Variants in USP42 observed in about 807,000 individuals in gnomAD.
USP42 encodes the protein ubiquitin carboxyl-terminal hydrolase 42.
In USP42, 23 loss-of-function variants were observed where a neutral mutation model predicts 113.0. The ratio of observed to expected loss-of-function variants is 0.20; its 90% CI spans 0.15 to 0.29. The LOEUF is 0.29. Among genes scored for constraint, USP42 ranks in the 10% least tolerant of loss-of-function variants. The pLI, the probability that USP42 is intolerant of heterozygous loss-of-function variation, is 1.00. For synonymous variants in USP42, 933 were observed against 699.0 expected (o/e 1.33, Z -5.28); for missense variants, 2,174 against 1,779.8 (o/e 1.22, Z -3.99).
At position 6,155,122 on chromosome 7, in the gene USP42, C is replaced by A; in HGVS notation, c.3568C>A (p.Pro1190Thr). 2.6e-6 allele frequency: 4 copies of A among 1,555,966 alleles called. No homozygotes were observed. Among genetic ancestry groups the A allele is most frequent in the Non-Finnish European group, 3.5e-6 (4 of 1,150,452 alleles). The change falls in exon 15 of 18, where the codon CCT becomes ACT. Residue 1190 changes from proline to threonine, a missense_variant. Physicochemically the swap from Pro to Thr is conservative, Grantham distance 38. Transcript: ENST00000306177. ...RSEQKDPLEE[P>T]KAKKHKKSKK... ...CGAACAGAAGGATCCTCTAGAAGAG[C>A]CTAAAGCAAAGAAGCACAAAAAATC...
At chr7:6,156,344 A>G (rs913402457) in intron 15 of USP42, among the ~76,000 whole-genome samples, 3 of 152,174 alleles carry the variant, frequency 2.0e-5, no homozygotes, top group Non-Finnish European at 4.4e-5. Context: ...TGTTTGTCCA[A>G]CAGCCTTAGT....
intron 3 of USP42, among the ~76,000 whole-genome samples, chr7:6,126,540 C>G (rs528398756): frequency 5.0e-4 from 76 of 152,350 alleles, no homozygotes; most frequent in African/African-American, 1.7e-3. Context: ...CCGCCTCAGC[C>G]TCCCAAAGTG....
Position 6,156,902 on chromosome 7 carries a change from T to C in USP42, c.3790T>C (p.Leu1264=). ...ACTGCACTTACCCAGGGTCACCAGC[T>C]TGGAGACTGTCGCCCAGTTCCGGAG... ...SELHLPRVTS[L]ETVAQFRRAQ... Residue 1264 remains leucine (L), a synonymous_variant, in exon 16 of 18, where the codon TTG becomes CTG. Transcript: ENST00000306177. 2 of 1,613,836 alleles carry C rather than the reference T, an allele frequency of 1.2e-6. No homozygotes were observed. Among genetic ancestry groups the C allele is most frequent in the Non-Finnish European group, 1.7e-6 (2 of 1,179,842 alleles).
At chr7:6,118,834 A>G (rs888566062) in intron 3 of USP42, among the ~76,000 whole-genome samples, 3 of 152,194 alleles carry the variant, frequency 2.0e-5, no homozygotes, top group African/African-American at 7.2e-5. Context: ...AGCCATATCA[A>G]TACGATCTAT....
At chr7:6,097,246 G>A in the USP42 span, among the ~76,000 whole-genome samples, 1 of 151,002 alleles carries the variant, frequency 6.6e-6, no homozygotes, top group Non-Finnish European at 1.5e-5. Context: ...CTGGTAAAAC[G>A]GTGTTTTCCA....
At chr7:6,084,269 T>G in the USP42 span, among the ~76,000 whole-genome samples, 1 of 151,280 alleles carries the variant, frequency 6.6e-6, no homozygotes, top group Non-Finnish European at 1.5e-5. Flanking sequence ...TCAGGAGATC[T>G]GCCCACCTTG....
chr7:6,116,995 T>G lies in USP42; in HGVS notation c.442+1472T>G, dbSNP rs989023561. 5.3e-5 allele frequency: 22 copies of G among 413,146 alleles called. No homozygotes were observed. The Admixed American group carries it at 5.6e-4, about 11-fold the overall frequency. The allele number at this position is 413,146 out of a possible 1,614,324, so 25.6% of individuals were successfully genotyped here. Reference sequence around the variant, plus strand: ...TGTGCTTGCTTCCTCCCTCCCTCCCTTCCTCCCTCTCTTTCTCTCTCTCTT... The same window carrying G: ...TGTGCTTGCTTCCTCCCTCCCTCCCGTCCTCCCTCTCTTTCTCTCTCTCTT... On this transcript the variant is annotated intron_variant, in intron 3 of 17. Coordinates refer to ENST00000306177, the MANE Select transcript of USP42 (RefSeq NM_032172.3).
At chr7:6,092,262 C>T in the USP42 span, among the ~76,000 whole-genome samples, 2 of 147,216 alleles carry the variant, frequency 1.4e-5, no homozygotes, top group Non-Finnish European at 3.0e-5. Context: ...ACTGCAACCT[C>T]CGCCTCCTGG....
chr7:6,113,190 C>T lies in USP42; in HGVS notation c.241+1816C>T, dbSNP rs149303207. Among the ~76,000 whole-genome samples the T allele has an allele frequency of 9.2e-5, 14 of 152,094 alleles. No individual in the cohort carries two copies. In the East Asian group the frequency reaches 2.1e-3, roughly 23 times the overall value. On this transcript the variant is annotated intron_variant, in intron 2 of 17. Coordinates refer to ENST00000306177, the MANE Select transcript of USP42 (RefSeq NM_032172.3). ...GATTACAGGTGTAGGCCACTGCACC[C>T]GGACAACAGTAAGTTTCATATTGTG...
intron 3 of USP42, among the ~76,000 whole-genome samples, chr7:6,122,264 A>G (rs371383398): frequency 1.4e-5 from 2 of 147,736 alleles, no homozygotes; most frequent in East Asian, 2.0e-4. Flanking sequence ...AGATATGTTG[A>G]TATGTCATGT....
In USP42 at chr7:6,154,349, C is replaced by T. The variant is rs376926258; in HGVS notation, c.2795C>T (p.Ala932Val). The change falls in exon 15 of 18, where the codon GCC becomes GTC. Residue 932 changes from alanine to valine, a missense_variant. Ala to Val is a moderately conservative substitution (Grantham distance 64, BLOSUM62 0). Coordinates refer to ENST00000306177, the MANE Select transcript of USP42 (RefSeq NM_032172.3). Reference sequence around the variant, plus strand: ...GTCGAGGACGCCGCGGCGCCGAAAGCCCCAGGCCCTTCCCCAGCGAAGGAG... The same window carrying T: ...GTCGAGGACGCCGCGGCGCCGAAAGTCCCAGGCCCTTCCCCAGCGAAGGAG... ...ERVEDAAAPK[A>V]PGPSPAKEKI... 7.8e-5 allele frequency: 123 copies of T among 1,573,284 alleles called. 2 individuals carry two copies. The African/African-American group carries it at 1.5e-3, about 19-fold the overall frequency.
chr7:6,119,266 A>C (rs1345869095), intron 3 of USP42, among the ~76,000 whole-genome samples: 1 of 152,088 alleles, frequency 6.6e-6, no homozygotes, highest in Non-Finnish European at 1.5e-5. Context: ...TCTTTCTCCG[A>C]GTTATGCTGT....
In USP42 at chr7:6,144,121, T is replaced by C; in HGVS notation, c.915T>C (p.Thr305=). 1 of 1,583,574 alleles carries C rather than the reference T, an allele frequency of 6.3e-7. No individual in the cohort carries two copies. Among genetic ancestry groups the C allele is most frequent in the Non-Finnish European group, 8.5e-7 (1 of 1,171,022 alleles). Residue 305 remains threonine, a synonymous_variant, in exon 9 of 18, where the codon ACT becomes ACC. Coordinates refer to ENST00000306177, the MANE Select transcript of USP42 (RefSeq NM_032172.3). ...TGGTTCCAGCTTCAAAGAGGTTCAC[T>C]ATCCATAGATCCTCTAATGTTCTTA... is the stretch of plus-strand genomic sequence containing the variant. ...KKMVPASKRF[T]IHRSSNVLTL...
At position 6,154,700 on chromosome 7, in the gene USP42, T is replaced by C; in HGVS notation, c.3146T>C (p.Phe1049Ser). The C allele has an allele frequency of 6.2e-7, 1 of 1,601,932 alleles. No individual in the cohort carries two copies. Among genetic ancestry groups the C allele is most frequent in the Non-Finnish European group, 8.5e-7 (1 of 1,175,266 alleles). ...GAGCGTGGCTGGGGCCGGGAGAAGTTCTACCCCGACAGGCCGCGCTGGGAC... is the reference window on the plus strand; with the variant it reads ...GAGCGTGGCTGGGGCCGGGAGAAGTCCTACCCCGACAGGCCGCGCTGGGAC... ...EGERGWGREK[F>S]YPDRPRWDRC... The change falls in exon 15 of 18, where the codon TTC becomes TCC. Residue 1049 changes from phenylalanine (F) to serine (S), a missense_variant. Phe to Ser is a radical substitution (Grantham distance 155, BLOSUM62 -2). Transcript: ENST00000306177.
the USP42 span, among the ~76,000 whole-genome samples, chr7:6,096,583 G>C: frequency 6.6e-6 from 1 of 151,364 alleles, no homozygotes; most frequent in Non-Finnish European, 1.5e-5. Flanking sequence ...AACTAACAAG[G>C]TGACTGCATT....
intron 2 of USP42, 137 bp from the exon 3 acceptor site, chr7:6,115,186 T>C: frequency 1.3e-6 from 1 of 797,838 alleles, no homozygotes. Context: ...AAAATGTCCC[T>C]CTTCCCCCTG....
intron 4 of USP42, among the ~76,000 whole-genome samples, chr7:6,137,585 T>A (rs1273386397): frequency 5.9e-5 from 9 of 152,254 alleles, no homozygotes; most frequent in Admixed American, 5.9e-4. Flanking sequence ...CTTGAACTCC[T>A]GACCTCAGGT....
chr7:6,119,204 G>C (rs1780079657), intron 3 of USP42, among the ~76,000 whole-genome samples: 1 of 152,114 alleles, frequency 6.6e-6, no homozygotes, highest in Non-Finnish European at 1.5e-5. Flanking sequence ...GATAGAGTGA[G>C]ATGCTGTCTC....
intron 3 of USP42, chr7:6,116,729 C>G (rs1321887190): frequency 3.9e-6 from 2 of 508,576 alleles, no homozygotes; most frequent in East Asian, 5.9e-5. Flanking sequence ...ATCTCACCAC[C>G]TACCTAGGGG....
Sources: allele counts gnomAD v4.1 joint callset (sites outside exome capture counted in the v4.1 genomes callset), GRCh38; gene constraint gnomAD v4.1.1; transcripts MANE v1.5; gene names NCBI Gene and HGNC (gene_info 2026-07-23, HGNC 2026-07-21).